KIF9: variants seen among roughly 807,000 people sequenced by gnomAD.
KIF9 encodes the protein kinesin family member 9.
A neutral mutation model predicts 94.8 loss-of-function variants in KIF9; 68 were observed. The ratio of observed to expected loss-of-function variants is 0.72; its 90% CI spans 0.59 to 0.88. The LOEUF (loss-of-function observed/expected upper bound fraction) is 0.88. KIF9 is among the 40% of genes least tolerant of loss of function. The probability of loss-of-function intolerance (pLI) is 0.00; values close to 1 mark genes in which losing one functional copy is unlikely to be tolerated. For synonymous variants in KIF9, 343 were observed against 362.1 expected, an observed-to-expected ratio of 0.95 and a Z score of 0.60; for missense variants, 882 against 982.5, an observed-to-expected ratio of 0.90 and a Z score of 1.37.
chr3:47,280,755 C>A (rs1454418680), intron 1 of KIF9, among the ~76,000 whole-genome samples: 2 of 152,154 alleles, frequency 1.3e-5, no homozygotes, highest in African/African-American at 4.8e-5. Context: ...TGCTATTTGC[C>A]AACATGCACA....
intron 9 of KIF9, among the ~76,000 whole-genome samples, chr3:47,263,110 T>C (rs1036590380): frequency 1.3e-5 from 2 of 152,188 alleles, no homozygotes; most frequent in African/African-American, 4.8e-5. Context: ...TTGGTCAGGC[T>C]GGTCTTGAAC....
At chr3:47,245,325 G>T in intron 14 of KIF9, 96 bp downstream of exon 14, 1 of 926,354 alleles carries the variant, frequency 1.1e-6, no homozygotes, top group Non-Finnish European at 1.8e-6. Context: ...TGCAATCCTA[G>T]CTCTGGTTTA....
chr3:47,282,301 G>C, intron 1 of KIF9, 194 bp downstream of exon 1: 1 of 985,744 alleles, frequency 1.0e-6, no homozygotes, highest in Non-Finnish European at 1.2e-6. Flanking sequence ...CATTAGCTCC[G>C]AAGACCGTAA....
At chr3:47,258,299 G>A (rs1394514182) in intron 9 of KIF9, among the ~76,000 whole-genome samples, 1 of 152,152 alleles carries the variant, frequency 6.6e-6, no homozygotes, top group Admixed American at 6.5e-5. Context: ...AGGTTGGAGT[G>A]CAGTGGCACA....
chr3:47,238,570 G>T (rs1699217849), intron 17 of KIF9: 1 of 151,722 alleles, frequency 6.6e-6, no homozygotes, highest in South Asian at 2.1e-4. Flanking sequence ...TAAAATAAAG[G>T]TATTTTATTA....
Position 47,257,524 on chromosome 3 carries a change from C to G in KIF9, c.1018G>C (p.Val340Leu). The G allele has an allele frequency of 1.2e-6, 2 of 1,613,986 alleles. No individual in the cohort carries two copies. Among genetic ancestry groups the G allele is most frequent in the Non-Finnish European group, 1.7e-6 (2 of 1,180,026 alleles). Residue 340 changes from valine to leucine, a missense_variant, in exon 10 of 21, where the codon GTC becomes CTC. Transcript: ENST00000684063. ...SLRFASRMKL[V>L]TTEPAINEKY... The stretch of plus-strand genomic sequence containing the variant: ...TCATTGATGGCAGGCTCAGTGGTGA[C>G]TAGCTTCATCCTGCTGGCAAATCTC...
At chr3:47,231,033 C>T (rs1388140985) in intron 20 of KIF9, among the ~76,000 whole-genome samples, 1 of 147,390 alleles carries the variant, frequency 6.8e-6, no homozygotes, top group African/African-American at 2.4e-5. Context: ...AGCAAAACTC[C>T]GTCTAAAAAA....
intron 1 of KIF9, chr3:47,281,319 C>T: frequency 2.7e-6 from 1 of 374,986 alleles, no homozygotes; most frequent in Non-Finnish European, 4.8e-6. Context: ...AGCACCTCAC[C>T]ACACGCTTTT....
intron 10 of KIF9, among the ~76,000 whole-genome samples, chr3:47,253,444 C>G (rs116320601): frequency 6.7e-6 from 1 of 150,372 alleles, no homozygotes; most frequent in African/African-American, 2.4e-5. Flanking sequence ...GCATGAGCCA[C>G]GCACCCGGCC....
In KIF9 at chr3:47,275,424, AC is replaced by A. The variant is rs1316594902; in HGVS notation, c.159del (p.Trp53CysfsTer51). Reference protein sequence around the residue: ...RGVVNNQQTDWSFKLDGVLHD... With the variant: ...RGVVNNQQTDXSFKLDGVLHD... ...TGAAGAACTCCATCCAACTTAAACG[AC>A]CAGTCTGTCTGTTGGTTATTGACAA... On this transcript the variant is annotated frameshift_variant, in exon 3 of 21. Transcript: ENST00000684063. LOFTEE classifies it high-confidence loss of function. 6.2e-7 allele frequency: 1 copy of A among 1,613,342 alleles called. No individual in the cohort carries two copies.
intron 10 of KIF9, among the ~76,000 whole-genome samples, chr3:47,254,856 G>T (rs553123949): frequency 6.6e-6 from 1 of 152,204 alleles, no homozygotes; most frequent in African/African-American, 2.4e-5. Flanking sequence ...AAAAAAAAGG[G>T]CATCTTCAGG....
At chr3:47,229,665 T>C (rs897788125) in intron 20 of KIF9, among the ~76,000 whole-genome samples, 11 of 152,054 alleles carry the variant, frequency 7.2e-5, no homozygotes, top group Admixed American at 3.9e-4. Flanking sequence ...CAGAGAATTA[T>C]AGAGATTGGG....
intron 1 of KIF9, among the ~76,000 whole-genome samples, chr3:47,279,368 T>A (rs1702176430): frequency 6.7e-6 from 1 of 149,986 alleles, no homozygotes; most frequent in Non-Finnish European, 1.5e-5. Context: ...TCTCAGCTAC[T>A]CAGGAGGCTG....
At chr3:47,229,025 C>G (rs1240471000) in intron 20 of KIF9, among the ~76,000 whole-genome samples, 3 of 152,246 alleles carry the variant, frequency 2.0e-5, no homozygotes, top group Non-Finnish European at 4.4e-5. Context: ...AGGGTTCTAT[C>G]TCCAGAGGAG....
At chr3:47,259,726 C>A (rs940538986) in intron 9 of KIF9, among the ~76,000 whole-genome samples, 2 of 148,292 alleles carry the variant, frequency 1.3e-5, no homozygotes, top group Admixed American at 6.9e-5. Flanking sequence ...GGATTAAGGG[C>A]GGTGCAAGAT....
intron 6 of KIF9, 36 bp downstream of exon 6, chr3:47,267,144 T>C (rs1701339221): frequency 6.2e-7 from 1 of 1,602,280 alleles, no homozygotes; most frequent in South Asian, 1.1e-5. Context: ...GGGAATTGAC[T>C]GCCCCGCCTG....
chr3:47,268,742 C>T (rs1486740951), intron 5 of KIF9, among the ~76,000 whole-genome samples: 1 of 151,954 alleles, frequency 6.6e-6, no homozygotes, highest in African/African-American at 2.4e-5. Context: ...GCCACCATGC[C>T]AGGCTAATTT....
chr3:47,257,437 T>C, intron 10 of KIF9, 46 bp downstream of exon 10: 1 of 1,548,460 alleles, frequency 6.5e-7, no homozygotes, highest in Non-Finnish European at 8.9e-7. Flanking sequence ...AGCAAACCCA[T>C]ACACTTTCCC....
intron 20 of KIF9, among the ~76,000 whole-genome samples, chr3:47,231,404 C>CTTTTTTTT (rs34079988): frequency 2.5e-5 from 2 of 79,810 alleles, no homozygotes; most frequent in African/African-American, 5.6e-5. Context: ...TCAGTATCTA[C>CTTTTTTTT]TTTTTTTTTT....
Sources: gnomAD v4.1 joint callset for allele counts (sites outside exome capture counted in the v4.1 genomes callset) on GRCh38, gnomAD v4.1.1 for gene constraint, MANE v1.5 for transcripts, NCBI Gene and HGNC (gene_info 2026-07-23, HGNC 2026-07-21) for gene names.